The following GALNT10 variants were observed in gnomAD, a reference collection of about 807,000 sequenced individuals.
GALNT10 encodes the protein GalNAc transferase 10.
Under a neutral mutation model 75.0 loss-of-function variants are expected in GALNT10, and 41 were observed. The ratio of observed to expected loss-of-function variants is 0.55; its 90% CI spans 0.43 to 0.71. The LOEUF (loss-of-function observed/expected upper bound fraction) is 0.71. Ranked by LOEUF, GALNT10 falls within the 30% of genes least tolerant of loss-of-function variation. GALNT10 has a pLI of 0.00. For missense variants in GALNT10, 727 were observed against 818.5 expected (o/e 0.89, Z 1.36); for synonymous variants, 302 against 313.0 (o/e 0.96, Z 0.37).
rs1164863773 is a variant in GALNT10 at position 154,298,112 on chromosome 5, A to G, written c.401+33A>G. ...TAACATCTCTCAAATTCTGAGATCT[A>G]AGGATGTTTCCCTGGCTGTTGTTGA... On this transcript the variant is annotated intron_variant, in intron 3 of 11. Transcript: ENST00000297107. This position sits in a 1 kb window ranked among gnomAD's most constrained non-coding sequence, Gnocchi z 4.1. The G allele has an allele frequency of 6.3e-7, 1 of 1,597,100 alleles. No individual in the cohort carries two copies. The highest frequency in any genetic ancestry group is 1.3e-5 in the African/African-American group (1 of 74,506).
chr5:154,263,041 T>A (rs931567370), intron 1 of GALNT10, among the ~76,000 whole-genome samples: 1 of 152,164 alleles, frequency 6.6e-6, no homozygotes, highest in Admixed American at 6.5e-5. Flanking sequence ...CCTCAGACAT[T>A]GCTGGTGGTT....
At chr5:154,230,835 G>T (rs943257189) in intron 1 of GALNT10, among the ~76,000 whole-genome samples, 17 of 152,242 alleles carry the variant, frequency 1.1e-4, no homozygotes, top group Admixed American at 9.2e-4. Flanking sequence ...CCAGGTCACA[G>T]TTCTTATTCT....
chr5:154,247,398 G>A (rs555077593), intron 1 of GALNT10, among the ~76,000 whole-genome samples: 3 of 152,254 alleles, frequency 2.0e-5, no homozygotes, highest in African/African-American at 7.2e-5. Flanking sequence ...AATTACCTTG[G>A]GCAGTATGGC....
intron 1 of GALNT10, among the ~76,000 whole-genome samples, chr5:154,279,780 G>A (rs886820854): frequency 6.6e-6 from 1 of 151,584 alleles, no homozygotes; most frequent in Non-Finnish European, 1.5e-5. Flanking sequence ...TAGAGATGGG[G>A]TCTCACTGTG....
At chr5:154,212,793 C>G (rs1237179274) in intron 1 of GALNT10, among the ~76,000 whole-genome samples, 1 of 152,052 alleles carries the variant, frequency 6.6e-6, no homozygotes, top group African/African-American at 2.4e-5. Context: ...AGGGTGAAAC[C>G]CTGTCTCTAC....
At chr5:154,347,080 C>A (rs777391127) in intron 4 of GALNT10, 2 of 473,078 alleles carry the variant, frequency 4.2e-6, no homozygotes, top group East Asian at 6.8e-5. Flanking sequence ...TATATGAGAA[C>A]AGTAATAAAT....
chr5:154,369,172 C>G (rs153414), intron 4 of GALNT10, among the ~76,000 whole-genome samples: 118,499 of 152,084 alleles, frequency 0.78, 46,328 homozygotes, highest in East Asian at 0.85. Context: ...TGGATCACTT[C>G]AGATCAGAAG....
chr5:154,410,813 G>A (rs1000969), intron 9 of GALNT10, among the ~76,000 whole-genome samples: 98,259 of 152,120 alleles, frequency 0.65, 32,090 homozygotes, highest in East Asian at 0.86. Context: ...GAGGAACAGC[G>A]TGCTTCTCTG....
intron 4 of GALNT10, among the ~76,000 whole-genome samples, chr5:154,331,714 G>A (rs1754867467): frequency 6.6e-6 from 1 of 152,190 alleles, no homozygotes; most frequent in East Asian, 1.9e-4. Flanking sequence ...GGACGGATGT[G>A]TGGGTGCAGG....
chr5:154,420,292 A>G lies in GALNT10; in HGVS notation c.*3320A>G, dbSNP rs527440447. On this transcript the variant is annotated 3_prime_UTR_variant, in exon 12 of 12. Coordinates refer to ENST00000297107, the MANE Select transcript of GALNT10 (RefSeq NM_198321.4). The stretch of plus-strand genomic sequence containing the variant: ...AGTCTACATGACATTCACTTTTCAA[A>G]CTTCCCACCAGTTGAATTTCTTTTT... 20 of 152,318 alleles carry G rather than the reference A, an allele frequency of 1.3e-4. No homozygotes were observed. Among genetic ancestry groups the G allele is most frequent in the Admixed American group, 6.5e-5 (1 of 15,294 alleles). The allele number at this position is 152,318 out of a possible 1,614,324, so 9.4% of individuals were successfully genotyped here.
intron 1 of GALNT10, among the ~76,000 whole-genome samples, chr5:154,266,986 GT>G: frequency 6.6e-6 from 1 of 152,258 alleles, no homozygotes; most frequent in Non-Finnish European, 1.5e-5. Context: ...TCAGTCCCCT[GT>G]AGATCTTAGC....
intron 6 of GALNT10, among the ~76,000 whole-genome samples, chr5:154,382,111 G>T (rs114505536): frequency 1.4e-3 from 217 of 152,326 alleles, no homozygotes; most frequent in African/African-American, 5.0e-3. Flanking sequence ...TGAGAAGCAG[G>T]ACTGTTGGAA....
At chr5:154,341,441 A>G (rs1315076546) in intron 4 of GALNT10, among the ~76,000 whole-genome samples, 1 of 152,190 alleles carries the variant, frequency 6.6e-6, no homozygotes, top group Non-Finnish European at 1.5e-5. Flanking sequence ...ATTGTTAATA[A>G]TCTGCAATGA....
intron 1 of GALNT10, among the ~76,000 whole-genome samples, chr5:154,285,986 C>T (rs1754105587): frequency 6.6e-6 from 1 of 152,156 alleles, no homozygotes; most frequent in Admixed American, 6.5e-5. Context: ...GCTGTGTACT[C>T]CTCTTTCTAC....
At chr5:154,343,241 T>C (rs1229784236) in intron 4 of GALNT10, among the ~76,000 whole-genome samples, 1 of 152,138 alleles carries the variant, frequency 6.6e-6, no homozygotes, top group Non-Finnish European at 1.5e-5. Flanking sequence ...ATGTTACTGC[T>C]GGTAGAAGCT....
chr5:154,307,635 AAG>A (rs1561656649), intron 3 of GALNT10, among the ~76,000 whole-genome samples: 1 of 151,682 alleles, frequency 6.6e-6, no homozygotes, highest in Admixed American at 6.6e-5. Context: ...AAAAAAAAAA[AAG>A]AAATAATTCT....
intron 3 of GALNT10, among the ~76,000 whole-genome samples, chr5:154,306,151 T>C (rs1242031961): frequency 6.6e-6 from 1 of 152,150 alleles, no homozygotes; most frequent in East Asian, 1.9e-4. Context: ...TATAGTAGAC[T>C]CTCACAGCAC....
chr5:154,244,853 C>A (rs751272775), intron 1 of GALNT10, among the ~76,000 whole-genome samples: 4 of 152,170 alleles, frequency 2.6e-5, no homozygotes, highest in Non-Finnish European at 4.4e-5. Flanking sequence ...ACTTTCCCAG[C>A]AGAGAGAACA....
chr5:154,388,248 G>A (rs1387136912), intron 7 of GALNT10: 3 of 152,124 alleles, frequency 2.0e-5, no homozygotes, highest in Non-Finnish European at 4.4e-5. Context: ...AAGGAGACCA[G>A]CCCCCTAAAT....
Sources: gnomAD v4.1 joint callset for allele counts (sites outside exome capture counted in the v4.1 genomes callset) on GRCh38, gnomAD v4.1.1 for gene constraint, Gnocchi (gnomAD v3.1) non-coding constraint, MANE v1.5 for transcripts, NCBI Gene and HGNC (gene_info 2026-07-23, HGNC 2026-07-21) for gene names.